Variants in NDRG1 observed in about 807,000 individuals in gnomAD.
NDRG1 encodes N-myc downstream regulated 1, also known as protein NDRG1.
A neutral mutation model predicts 56.9 loss-of-function variants in NDRG1; 32 were observed. That is an observed-to-expected ratio of 0.56 (90% CI 0.42 to 0.76). The LOEUF is 0.76. NDRG1 is among the 30% of genes least tolerant of loss of function. NDRG1 has a pLI of 0.00. For synonymous variants in NDRG1, 211 were observed against 204.1 expected (o/e 1.03, Z -0.29); for missense variants, 507 against 545.7 (o/e 0.93, Z 0.71).
chr8:133,266,568 T>C (rs927491086), intron 3 of NDRG1, among the ~76,000 whole-genome samples: 9 of 152,162 alleles, frequency 5.9e-5, no homozygotes, highest in Admixed American at 4.6e-4. Flanking sequence ...GCCCAGAGAA[T>C]GTAGGCTGCT....
intron 4 of NDRG1, among the ~76,000 whole-genome samples, chr8:133,262,857 T>C (rs1209328305): frequency 1.3e-5 from 2 of 152,190 alleles, no homozygotes; most frequent in African/African-American, 2.4e-5. Flanking sequence ...TCTTCTCTCA[T>C]CTACCTGCCA....
chr8:133,242,632 G>A (rs1855447873), intron 14 of NDRG1, among the ~76,000 whole-genome samples: 1 of 152,076 alleles, frequency 6.6e-6, no homozygotes, highest in Non-Finnish European at 1.5e-5. Context: ...GCAAATCACT[G>A]TCAGCCTCAA....
At chr8:133,292,898 C>G (rs1195152221) in intron 1 of NDRG1, among the ~76,000 whole-genome samples, 2 of 152,238 alleles carry the variant, frequency 1.3e-5, no homozygotes, top group African/African-American at 4.8e-5. Flanking sequence ...TGCAAGAAAA[C>G]CCGCTGGACT....
chr8:133,263,514 A>C, intron 4 of NDRG1, among the ~76,000 whole-genome samples: 1 of 152,178 alleles, frequency 6.6e-6, no homozygotes, highest in East Asian at 1.9e-4. Context: ...AAAATGGGGA[A>C]CCCACCTAAG....
chr8:133,251,673 C>T (rs112767144), intron 9 of NDRG1, among the ~76,000 whole-genome samples: 1,907 of 152,246 alleles, frequency 0.013, 31 homozygotes, highest in Non-Finnish European at 0.021. Context: ...TGGAATGAAT[C>T]GTAAAAGGGG....
intron 2 of NDRG1, 70 bp from the exon 3 acceptor site, chr8:133,280,337 T>C (rs939177614): frequency 6.7e-7 from 1 of 1,496,434 alleles, no homozygotes; most frequent in African/African-American, 1.4e-5. Flanking sequence ...TTGGGACATA[T>C]GGGCCTTTCT....
At chr8:133,265,052 G>A (rs571355244) in intron 3 of NDRG1, 7 of 290,200 alleles carry the variant, frequency 2.4e-5, no homozygotes, top group African/African-American at 1.3e-4. Context: ...CTGCTGGCTT[G>A]GGGCTACACA....
intron 1 of NDRG1, among the ~76,000 whole-genome samples, chr8:133,285,368 G>A (rs1045555130): frequency 1.3e-5 from 2 of 152,288 alleles, no homozygotes; most frequent in African/African-American, 4.8e-5. Context: ...GAAGAGCCCA[G>A]GCCACCCACC....
intron 3 of NDRG1, among the ~76,000 whole-genome samples, chr8:133,271,238 G>A (rs1001264490): frequency 1.3e-5 from 2 of 152,158 alleles, no homozygotes; most frequent in African/African-American, 4.8e-5. Context: ...CCCTCCCTCA[G>A]TCTAGCAAGT....
chr8:133,245,485 A>C (rs3779941), intron 13 of NDRG1, among the ~76,000 whole-genome samples: 19,727 of 152,158 alleles, frequency 0.13, 1,517 homozygotes, highest in South Asian at 0.21. Flanking sequence ...AAGAAGAAGG[A>C]AATTTGGACA....
intron 3 of NDRG1, among the ~76,000 whole-genome samples, chr8:133,277,518 G>C (rs1857517923): frequency 6.6e-6 from 1 of 152,174 alleles, no homozygotes; most frequent in Non-Finnish European, 1.5e-5. Context: ...AGTGAGCCAA[G>C]ATCGCACCAC....
intron 2 of NDRG1, 33 bp from the exon 3 acceptor site, chr8:133,280,300 T>C (rs867056104): frequency 2.5e-6 from 4 of 1,606,490 alleles, no homozygotes; most frequent in Middle Eastern, 1.7e-4. Flanking sequence ...GTCAATTTCA[T>C]CTGTTTTCTC....
At position 133,244,311 on chromosome 8, in the gene NDRG1, G is replaced by C. The variant is rs764074370; in HGVS notation, c.891+44C>G. 4 of 1,612,302 alleles carry C rather than the reference G, an allele frequency of 2.5e-6. No homozygotes were observed. In the Admixed American group the frequency reaches 5.0e-5, roughly 20 times the overall value. On this transcript the variant is annotated intron_variant, in intron 14 of 15. Coordinates refer to ENST00000323851, the MANE Select transcript of NDRG1 (RefSeq NM_006096.4). ...CAGAGGCACATGCACTCCACCCAGG[G>C]GGAAGCGACAGCTGTATAATGCAAA...
chr8:133,257,614 T>A (rs1315165269), intron 7 of NDRG1, among the ~76,000 whole-genome samples: 1 of 152,218 alleles, frequency 6.6e-6, no homozygotes, highest in African/African-American at 2.4e-5. Context: ...TGAACCATTA[T>A]AATCTTATGG....
rs370228850 is a variant in NDRG1 at position 133,256,830 on chromosome 8, G to C, written c.484C>G (p.Leu162Val). ...TCCGCACAAGGGTTCACGTTGATAAGGACAAGGCCCTCCACCATCTCAGGG... is the reference window on the plus strand; with the variant it reads ...TCCGCACAAGGGTTCACGTTGATAACGACAAGGCCCTCCACCATCTCAGGG... ...NNPEMVEGLV[L>V]INVNPCAEGW... The change falls in exon 8 of 16, where the codon CTT becomes GTT. Residue 162 changes from leucine to valine, a missense_variant. Coordinates refer to ENST00000323851, the MANE Select transcript of NDRG1 (RefSeq NM_006096.4). The C allele has an allele frequency of 1.2e-6, 2 of 1,614,156 alleles. No homozygotes were observed. The highest frequency in any genetic ancestry group is 1.7e-6 in the Non-Finnish European group (2 of 1,180,020).
intron 9 of NDRG1, among the ~76,000 whole-genome samples, chr8:133,252,169 C>T (rs55966755): frequency 6.6e-6 from 1 of 152,304 alleles, no homozygotes; most frequent in Non-Finnish European, 1.5e-5. Context: ...GATCTCGGCT[C>T]ACTGCAGCCT....
intron 3 of NDRG1, among the ~76,000 whole-genome samples, chr8:133,274,343 A>C (rs1033923157): frequency 6.6e-6 from 1 of 152,196 alleles, no homozygotes; most frequent in African/African-American, 2.4e-5. Context: ...ATAAAAGCCT[A>C]AATTATTGAC....
intron 3 of NDRG1, among the ~76,000 whole-genome samples, chr8:133,278,851 C>T (rs1446751695): frequency 6.6e-6 from 1 of 151,840 alleles, no homozygotes; most frequent in African/African-American, 2.4e-5. Flanking sequence ...CTGAGTGACC[C>T]CAGGCAAGTC....
At chr8:133,243,516 C>G (rs1421249775) in intron 14 of NDRG1, among the ~76,000 whole-genome samples, 2 of 152,100 alleles carry the variant, frequency 1.3e-5, no homozygotes, top group East Asian at 3.9e-4. Context: ...AAACATACAC[C>G]CAACCTGCAA....
Sources: gnomAD v4.1 joint callset for allele counts (sites outside exome capture counted in the v4.1 genomes callset) on GRCh38, gnomAD v4.1.1 for gene constraint, MANE v1.5 for transcripts, NCBI Gene and HGNC (gene_info 2026-07-23, HGNC 2026-07-21) for gene names.